The following TMEM237 variants were observed in gnomAD, a reference collection of about 807,000 sequenced individuals.
TMEM237 encodes transmembrane protein 237.
In TMEM237, 51 loss-of-function variants were observed where a neutral mutation model predicts 59.1. The observed-to-expected ratio is 0.86, with a 90% CI of 0.69 to 1.09. The LOEUF is 1.09. Among genes scored for constraint, TMEM237 ranks in the 50% least tolerant of loss-of-function variants. The pLI, the probability that TMEM237 is intolerant of heterozygous loss-of-function variation, is 0.00. For missense variants in TMEM237, 475 were observed against 478.3 expected, an observed-to-expected ratio of 0.99 and a Z score of 0.06; for synonymous variants, 140 against 166.1, an observed-to-expected ratio of 0.84 and a Z score of 1.21.
At chr2:201,624,345 C>A (rs920384205) in intron 12 of TMEM237, 23 bp from the exon 13 acceptor site, 18 of 1,596,634 alleles carry the variant, frequency 1.1e-5, no homozygotes, top group Non-Finnish European at 1.4e-5. Context: ...ATGAACAGAT[C>A]ATACTTAAAA....
chr2:201,624,888 C>T (rs1232750740), intron 12 of TMEM237, among the ~76,000 whole-genome samples: 1 of 152,142 alleles, frequency 6.6e-6, no homozygotes, highest in East Asian at 1.9e-4. Flanking sequence ...CTGCACAATC[C>T]AGATGCAGTT....
chr2:201,641,681 CAT>C (rs1038030140), intron 1 of TMEM237, among the ~76,000 whole-genome samples: 3 of 150,198 alleles, frequency 2.0e-5, no homozygotes, highest in Non-Finnish European at 3.0e-5. Flanking sequence ...ATATTTAAGA[CAT>C]ATCTTGTATA....
In TMEM237 at chr2:201,622,089, G is replaced by C. The variant is rs1299066543; in HGVS notation, c.*2166C>G. ...TTGTACAGGGCCACTAGCTGCTCAGGTTTATATGCCTCCTGGGTCATTACG... is the reference window on the plus strand; with the variant it reads ...TTGTACAGGGCCACTAGCTGCTCAGCTTTATATGCCTCCTGGGTCATTACG... On this transcript the variant is annotated 3_prime_UTR_variant, in exon 13 of 13. Coordinates refer to ENST00000409883, the MANE Select transcript of TMEM237 (RefSeq NM_001044385.3). 1 of 152,160 alleles carries C rather than the reference G, an allele frequency of 6.6e-6. No homozygotes were observed. The highest frequency in any genetic ancestry group is 1.5e-5 in the Non-Finnish European group (1 of 68,038). The allele number at this position is 152,160 out of a possible 1,614,324, so 9.4% of individuals were successfully genotyped here. A position where few individuals can be genotyped will look rare whatever the true frequency, so the allele number is the denominator to read the frequency against.
At chr2:201,628,785 C>T (rs1294358241) in intron 9 of TMEM237, among the ~76,000 whole-genome samples, 2 of 152,190 alleles carry the variant, frequency 1.3e-5, no homozygotes, top group Admixed American at 1.3e-4. Context: ...CAGACTCTCC[C>T]TCAGAGCCCT....
chr2:201,629,631 T>G, intron 8 of TMEM237, 98 bp downstream of exon 8: 1 of 1,488,234 alleles, frequency 6.7e-7, no homozygotes, highest in Non-Finnish European at 9.0e-7. Context: ...AAGTTGTGAT[T>G]TCATTAATAA....
intron 5 of TMEM237, 54 bp from the exon 6 acceptor site, chr2:201,633,485 T>C: frequency 7.1e-7 from 1 of 1,398,896 alleles, no homozygotes; most frequent in Non-Finnish European, 9.5e-7. Context: ...AAAAGAAAAG[T>C]AATGTACAAG....
At chr2:201,642,908 G>A in intron 1 of TMEM237, 1 of 1,337,640 alleles carries the variant, frequency 7.5e-7, no homozygotes, top group South Asian at 2.0e-5. Context: ...GCTTTCCCGT[G>A]GTTTCCTAAG....
Position 201,624,102 on chromosome 2 carries a change from A to C in TMEM237, c.*153T>G, listed in dbSNP as rs1429221260. ...TGTTTAGACATAAACAGCAAACACA[A>C]TTTTAACATTTTTCATAATATTGAG... On this transcript the variant is annotated 3_prime_UTR_variant, in exon 13 of 13. Transcript: ENST00000409883. The C allele has an allele frequency of 2.0e-6, 1 of 495,700 alleles. No homozygotes were observed. Among genetic ancestry groups the C allele is most frequent in the East Asian group, 3.3e-5 (1 of 30,676 alleles). The allele number at this position is 495,700 out of a possible 1,614,324, so 30.7% of individuals were successfully genotyped here.
At chr2:201,640,782 G>A in intron 2 of TMEM237, 111 bp downstream of exon 2, 1 of 917,882 alleles carries the variant, frequency 1.1e-6, no homozygotes. Context: ...AAATTTTTCA[G>A]AAGAGTTTCC....
At chr2:201,624,662 T>C (rs1957741302) in intron 12 of TMEM237, among the ~76,000 whole-genome samples, 1 of 152,144 alleles carries the variant, frequency 6.6e-6, no homozygotes, top group Non-Finnish European at 1.5e-5. Context: ...AGTGATCAGA[T>C]CATCTGAAAC....
intron 10 of TMEM237, 91 bp downstream of exon 10, chr2:201,627,985 A>G (rs1957773755): frequency 2.2e-6 from 2 of 922,388 alleles, no homozygotes; most frequent in Non-Finnish European, 3.2e-6. Context: ...GAGCAGTAAT[A>G]CAACTTTTAA....
Position 201,633,445 on chromosome 2 carries a change from A to C in TMEM237, c.275-14T>G. 6.6e-7 allele frequency: 1 copy of C among 1,510,374 alleles called. No individual in the cohort carries two copies. Among genetic ancestry groups the C allele is most frequent in the Non-Finnish European group, 8.8e-7 (1 of 1,131,354 alleles). 93.6% of individuals were successfully genotyped at this position (1,510,374 alleles called of 1,614,324 possible). A position where few individuals can be genotyped will look rare whatever the true frequency, so the allele number is the denominator to read the frequency against. ...AAGTCTCCAATTCTGAAAACAAAAT[A>C]AATTTAACTTTTCAAATAACTAAAA... is the stretch of plus-strand genomic sequence containing the variant. On this transcript the variant is annotated splice_polypyrimidine_tract_variant and intron_variant, in intron 5 of 12. Coordinates refer to ENST00000409883, the MANE Select transcript of TMEM237 (RefSeq NM_001044385.3).
At chr2:201,640,320 G>A in intron 2 of TMEM237, 55 bp from the exon 3 acceptor site, 1 of 1,495,362 alleles carries the variant, frequency 6.7e-7, no homozygotes, top group Non-Finnish European at 8.9e-7. Flanking sequence ...AGACAAAAAA[G>A]AAACAATTAA....
chr2:201,627,043 G>A (rs541608386), intron 11 of TMEM237, among the ~76,000 whole-genome samples: 1 of 151,580 alleles, frequency 6.6e-6, no homozygotes, highest in East Asian at 1.9e-4. Context: ...TAGTGCCATT[G>A]CACTCCAGCA....
chr2:201,632,291 T>C (rs984851039), intron 6 of TMEM237, 83 bp from the exon 7 acceptor site: 3 of 1,454,560 alleles, frequency 2.1e-6, no homozygotes, highest in African/African-American at 2.8e-5. Context: ...ATAAATATAA[T>C]GGAAAGGGCC....
At chr2:201,637,110 G>A (rs1383098833) in intron 4 of TMEM237, among the ~76,000 whole-genome samples, 4 of 152,130 alleles carry the variant, frequency 2.6e-5, no homozygotes, top group Non-Finnish European at 4.4e-5. Flanking sequence ...AAGAAAAAAC[G>A]AGGGGGCTAA....
intron 7 of TMEM237, 131 bp from the exon 8 acceptor site, chr2:201,629,983 C>T: frequency 8.5e-7 from 1 of 1,173,618 alleles, no homozygotes; most frequent in Non-Finnish European, 1.2e-6. Flanking sequence ...GAAAATTCTC[C>T]TTGACTCAGT....
In TMEM237 at chr2:201,632,130, A is replaced by T. The variant is rs1266468238; in HGVS notation, c.474T>A (p.Thr158=). 1 of 1,613,976 alleles carries T rather than the reference A, an allele frequency of 6.2e-7. No individual in the cohort carries two copies. The highest frequency in any genetic ancestry group is 2.2e-5 in the East Asian group (1 of 44,880). ...TGAATACAGACTGCTGTTCCACAGT[A>T]GTTTGCTCATCAGTGATTATGTCTT... ...EDEDIITDEQ[T]TVEQQSVFTA... The change falls in exon 7 of 13, where the codon ACT becomes ACA. Residue 158 remains threonine (T), a synonymous_variant. Transcript: ENST00000409883.
intron 6 of TMEM237, among the ~76,000 whole-genome samples, chr2:201,633,074 T>C (rs759694286): frequency 3.3e-5 from 5 of 152,200 alleles, no homozygotes; most frequent in Admixed American, 1.3e-4. Flanking sequence ...TTTTTAGAGA[T>C]GGCTCTTAAG....
Sources: allele counts gnomAD v4.1 joint callset (sites outside exome capture counted in the v4.1 genomes callset), GRCh38; gene constraint gnomAD v4.1.1; transcripts MANE v1.5; gene names NCBI Gene and HGNC (gene_info 2026-07-23, HGNC 2026-07-21).